MOSPD2: variants seen among roughly 807,000 people sequenced by gnomAD.
The protein encoded by MOSPD2 is motile sperm domain containing 2.
A neutral mutation model predicts 41.7 loss-of-function variants in MOSPD2; 5 were observed. The observed-to-expected ratio is 0.12, with a 90% CI of 0.06 to 0.25. MOSPD2 has a LOEUF of 0.25. Ranked by LOEUF, MOSPD2 falls within the 10% of genes least tolerant of loss-of-function variation. MOSPD2 has a pLI of 1.00. For missense variants in MOSPD2, 282 were observed against 375.2 expected (o/e 0.75, Z 2.05); for synonymous variants, 115 against 126.9 (o/e 0.91, Z 0.63).
At chrX:14,880,481 A>G (rs573554808) in intron 2 of MOSPD2, among the ~76,000 whole-genome samples, 2 of 111,704 alleles carry the variant, frequency 1.8e-5, no homozygotes, top group South Asian at 7.3e-4. Flanking sequence ...CTTTTCCTTT[A>G]CTACATTGGC....
At position 14,919,877 on chromosome X, in the gene MOSPD2, C is replaced by T. The variant is rs1215093867; in HGVS notation, c.*68C>T. 2 of 1,141,004 alleles carry T rather than the reference C, an allele frequency of 1.8e-6. No individual in the cohort carries two copies. The highest frequency in any genetic ancestry group is 1.8e-5 in the African/African-American group (1 of 54,809). 94.0% of individuals were successfully genotyped at this position (1,141,004 alleles called of 1,213,427 possible). ...GTTGGAAAAAGTAACAGACCTAAAACTCTACCAAGCTACTAAAAACATTGC... is the reference window on the plus strand; with the variant it reads ...GTTGGAAAAAGTAACAGACCTAAAATTCTACCAAGCTACTAAAAACATTGC... On this transcript the variant is annotated 3_prime_UTR_variant, in exon 15 of 15. Transcript: ENST00000380492.
At chrX:14,898,340 A>G (rs5934196) in intron 5 of MOSPD2, among the ~76,000 whole-genome samples, 23,702 of 110,276 alleles carry the variant, frequency 0.21, 2,200 homozygotes, top group Non-Finnish European at 0.29. Flanking sequence ...ATGATTATAC[A>G]TACTATAATA....
chrX:14,920,439 ATC>A lies in MOSPD2; in HGVS notation c.*633_*634del. The A allele has an allele frequency of 1.3e-6, 1 of 754,522 alleles. No homozygotes were observed. Among genetic ancestry groups the A allele is most frequent in the Non-Finnish European group, 1.6e-6 (1 of 639,348 alleles). The allele number at this position is 754,522 out of a possible 1,213,427, so 62.2% of individuals were successfully genotyped here. A position where few individuals can be genotyped will look rare whatever the true frequency, so the allele number is the denominator to read the frequency against. On this transcript the variant is annotated 3_prime_UTR_variant, in exon 15 of 15. Transcript: ENST00000380492. The stretch of plus-strand genomic sequence containing the variant: ...TTCCTTAACAGCCTGCCTTTTATTA[ATC>A]TCAGGCTTTTTTATGAACACTCTCA...
intron 8 of MOSPD2, among the ~76,000 whole-genome samples, chrX:14,910,461 C>T (rs547826290): frequency 9.0e-6 from 1 of 111,684 alleles, no homozygotes; most frequent in African/African-American, 3.2e-5. Context: ...ACTGTATGGA[C>T]GGGTATAACA....
chrX:14,905,029 G>A (rs1423645093), intron 7 of MOSPD2, among the ~76,000 whole-genome samples: 1 of 111,788 alleles, frequency 8.9e-6, no homozygotes, highest in Non-Finnish European at 1.9e-5. Context: ...TTACCTCTCA[G>A]AAGCTGAGGG....
intron 2 of MOSPD2, among the ~76,000 whole-genome samples, chrX:14,889,379 A>G (rs1220606396): frequency 1.8e-5 from 2 of 111,931 alleles, no homozygotes; most frequent in Non-Finnish European, 3.8e-5. Flanking sequence ...TAAAAGCACA[A>G]TTATTTATCA....
intron 11 of MOSPD2, chrX:14,915,324 G>A (rs945718917): frequency 2.6e-5 from 3 of 114,106 alleles, no homozygotes; most frequent in African/African-American, 9.7e-5. Flanking sequence ...TAGATAGGTC[G>A]AGATGCTTTT....
intron 4 of MOSPD2, among the ~76,000 whole-genome samples, chrX:14,895,941 A>T (rs889891146): frequency 1.8e-5 from 2 of 110,756 alleles, no homozygotes; most frequent in Non-Finnish European, 3.8e-5. Flanking sequence ...CAAGCCCCAT[A>T]CTGAACAGAT....
intron 13 of MOSPD2, among the ~76,000 whole-genome samples, chrX:14,916,969 T>C (rs2092601301): frequency 8.9e-6 from 1 of 112,622 alleles, no homozygotes; most frequent in South Asian, 3.7e-4. Flanking sequence ...TTTTGCTTTT[T>C]TTAAATTGGA....
At chrX:14,896,718 A>G (rs147172062) in intron 4 of MOSPD2, among the ~76,000 whole-genome samples, 6 of 112,854 alleles carry the variant, frequency 5.3e-5, no homozygotes, top group South Asian at 7.2e-4. Flanking sequence ...GCCCTGTGTC[A>G]GTATCTTTCC....
chrX:14,922,317 C>T lies in MOSPD2; in HGVS notation c.*2508C>T, dbSNP rs767136520. 50 of 111,033 alleles carry T rather than the reference C, an allele frequency of 4.5e-4. No individual in the cohort carries two copies. The highest frequency in any genetic ancestry group is 8.1e-4 in the Non-Finnish European group (43 of 53,037). 9.2% of individuals were successfully genotyped at this position (111,033 alleles called of 1,213,427 possible). A position where few individuals can be genotyped will look rare whatever the true frequency, so the allele number is the denominator to read the frequency against. Reference sequence around the variant, plus strand: ...ATTACATTTATGAAATAAATATCATCAGGAAAAAAACCTCTGGTCTCTAAT... The same window carrying T: ...ATTACATTTATGAAATAAATATCATTAGGAAAAAAACCTCTGGTCTCTAAT... On this transcript the variant is annotated 3_prime_UTR_variant, in exon 15 of 15. Transcript: ENST00000380492.
intron 3 of MOSPD2, chrX:14,893,099 CTCAGAT>C: frequency 3.5e-6 from 1 of 284,239 alleles, no homozygotes; most frequent in East Asian, 5.4e-5. Flanking sequence ...CAGAATCACA[CTCAGAT>C]TCTTCATTCA....
intron 14 of MOSPD2, among the ~76,000 whole-genome samples, chrX:14,919,054 CA>C (rs1042430035): frequency 2.7e-4 from 30 of 110,510 alleles, no homozygotes; most frequent in Non-Finnish European, 4.7e-4. Context: ...CCTGTCTGTA[CA>C]AAAAAATTAA....
chrX:14,893,056 G>A lies in MOSPD2; in HGVS notation c.235+178G>A, dbSNP rs2092556888. The A allele has an allele frequency of 1.7e-5, 6 of 350,681 alleles. No individual in the cohort carries two copies. The South Asian group carries it at 4.5e-4, about 26-fold the overall frequency. 28.9% of individuals were successfully genotyped at this position (350,681 alleles called of 1,213,427 possible). ...AACAGCTTATAAGTCTTTTAAGTGGGATCATTCATAAGGAAATCAGATCAC... is the reference window on the plus strand; with the variant it reads ...AACAGCTTATAAGTCTTTTAAGTGGAATCATTCATAAGGAAATCAGATCAC... On this transcript the variant is annotated intron_variant, in intron 3 of 14. Coordinates refer to ENST00000380492, the MANE Select transcript of MOSPD2 (RefSeq NM_152581.4).
Position 14,920,194 on chromosome X carries a change from CTTT to C in MOSPD2, c.*389_*391del. On this transcript the variant is annotated 3_prime_UTR_variant, in exon 15 of 15. Transcript: ENST00000380492. ...TGTTGCAGCCAAAAAATGTAATCTG[CTTT>C]TTTATGACAGAATTATTATAGCTGA... The C allele has an allele frequency of 1.3e-6, 1 of 754,845 alleles. No individual in the cohort carries two copies. The highest frequency in any genetic ancestry group is 1.6e-6 in the Non-Finnish European group (1 of 639,353). 62.2% of individuals were successfully genotyped at this position (754,845 alleles called of 1,213,427 possible).
chrX:14,897,573 T>C (rs1288917414), intron 5 of MOSPD2, among the ~76,000 whole-genome samples: 1 of 111,917 alleles, frequency 8.9e-6, no homozygotes, highest in East Asian at 2.8e-4. Context: ...CTATAGCACC[T>C]GCCCCGGTGT....
At chrX:14,874,503 T>A (rs1326304310) in intron 2 of MOSPD2, 1 of 112,197 alleles carries the variant, frequency 8.9e-6, no homozygotes, top group Non-Finnish European at 1.9e-5. Flanking sequence ...AGCTTACTTG[T>A]CTATTCTGAG....
chrX:14,889,344 G>C (rs1269107497), intron 2 of MOSPD2, among the ~76,000 whole-genome samples: 2 of 112,124 alleles, frequency 1.8e-5, no homozygotes, highest in African/African-American at 6.5e-5. Flanking sequence ...TGAGGGCTGT[G>C]TGTGAAAGCA....
chrX:14,912,325 C>A lies in MOSPD2; in HGVS notation c.956C>A (p.Pro319Gln). Reference protein sequence around the residue: ...VDSKVKAFKKPLSVFKGPLLH... With the variant: ...VDSKVKAFKKQLSVFKGPLLH... ...TCAAAAGTGAAAGCTTTCAAGAAAC[C>A]ATTGAGTGTATTTAAAGGCCCCTTA... The change falls in exon 10 of 15, where the codon CCA becomes CAA. Residue 319 changes from proline (P) to glutamine (Q), a missense_variant. Pro to Gln is a moderately conservative substitution (Grantham distance 76). Coordinates refer to ENST00000380492, the MANE Select transcript of MOSPD2 (RefSeq NM_152581.4). 1 of 1,174,126 alleles carries A rather than the reference C, an allele frequency of 8.5e-7. No homozygotes were observed. Among genetic ancestry groups the A allele is most frequent in the Non-Finnish European group, 1.1e-6 (1 of 877,351 alleles).
Sources: gnomAD v4.1 joint callset for allele counts (sites outside exome capture counted in the v4.1 genomes callset) on GRCh38, gnomAD v4.1.1 for gene constraint, MANE v1.5 for transcripts, NCBI Gene and HGNC (gene_info 2026-07-23, HGNC 2026-07-21) for gene names.